The following ANKS6 variants were observed in gnomAD, a reference collection of about 807,000 sequenced individuals.
The protein encoded by ANKS6 is ankyrin repeat and SAM domain-containing protein 6.
In ANKS6, 47 loss-of-function variants were observed where a neutral mutation model predicts 77.9. That is an observed-to-expected ratio of 0.60 (90% CI 0.48 to 0.77). The LOEUF is 0.77. ANKS6 is among the 30% of genes least tolerant of loss of function. The pLI, the probability that ANKS6 is intolerant of heterozygous loss-of-function variation, is 0.00. For synonymous variants in ANKS6, 488 were observed against 501.7 expected (o/e 0.97, Z 0.37); for missense variants, 1,150 against 1,159.1 (o/e 0.99, Z 0.11).
In ANKS6 at chr9:98,746,892, G is replaced by A. The variant is rs1029539683; in HGVS notation, c.2395-1217C>T. 3.3e-5 allele frequency among the ~76,000 whole-genome samples: 5 copies of A among 152,222 alleles called. No individual in the cohort carries two copies. The East Asian group carries it at 7.7e-4, about 23-fold the overall frequency. Reference sequence around the variant, plus strand: ...GACTCCAACAACAGCGCTTATCTGGGAGATGGGACAAAGAACTGGCTGCCC... The same window carrying A: ...GACTCCAACAACAGCGCTTATCTGGAAGATGGGACAAAGAACTGGCTGCCC... On this transcript the variant is annotated intron_variant, in intron 13 of 14. Coordinates refer to ENST00000353234, the MANE Select transcript of ANKS6 (RefSeq NM_173551.5).
At position 98,733,907 on chromosome 9, in the gene ANKS6, G is replaced by A. The variant is rs912491483; in HGVS notation, c.*2612C>T. The A allele has an allele frequency of 4.1e-6, 4 of 985,330 alleles. No individual in the cohort carries two copies. In the African/African-American group the frequency reaches 7.0e-5, roughly 17 times the overall value. 61.0% of individuals were successfully genotyped at this position (985,330 alleles called of 1,614,324 possible). A position where few individuals can be genotyped will look rare whatever the true frequency, so the allele number is the denominator to read the frequency against. On this transcript the variant is annotated 3_prime_UTR_variant, in exon 15 of 15. Coordinates refer to ENST00000353234, the MANE Select transcript of ANKS6 (RefSeq NM_173551.5). ...CATACTTTTGGGAAATGCTGGTGAAGGTTGCCAAGCAAGGGAGGTGCTTCT... is the reference window on the plus strand; with the variant it reads ...CATACTTTTGGGAAATGCTGGTGAAAGTTGCCAAGCAAGGGAGGTGCTTCT...
At position 98,780,316 on chromosome 9, in the gene ANKS6, A is replaced by T. The variant is rs1396345121; in HGVS notation, c.1241T>A (p.Leu414Gln). The T allele has an allele frequency of 1.2e-6, 2 of 1,602,728 alleles. No homozygotes were observed. Among genetic ancestry groups the T allele is most frequent in the African/African-American group, 2.7e-5 (2 of 74,976 alleles). ...NDPDTELVRL[L>Q]ASVCMQVNKD... The stretch of plus-strand genomic sequence containing the variant: ...ATTCACCTGCATGCAGACAGATGCC[A>T]GCAGTCGAACAAGTTCCGTGTCTAT... The change falls in exon 6 of 15, where the codon CTG becomes CAG. Residue 414 changes from leucine to glutamine, a missense_variant. By Grantham distance (113) the Leu-to-Gln change is moderately radical. Coordinates refer to ENST00000353234, the MANE Select transcript of ANKS6 (RefSeq NM_173551.5).
In ANKS6 at chr9:98,745,604, G is replaced by C. The variant is rs1260940392; in HGVS notation, c.2466C>G (p.Ser822=). The C allele has an allele frequency of 6.2e-7, 1 of 1,614,134 alleles. No individual in the cohort carries two copies. The highest frequency in any genetic ancestry group is 1.7e-5 in the Admixed American group (1 of 60,020). ...AAATCGCTGCCAGAATCTGCTGCCT[G>C]GACCCATCTGTCTTAATTCCCAGCT... The part of the protein sequence containing the change: ...LKELGIKTDG[S]RQQILAAISE... The change falls in exon 14 of 15, where the codon TCC becomes TCG. Residue 822 remains serine (S), a synonymous_variant. Transcript: ENST00000353234.
At chr9:98,751,153 C>A in intron 12 of ANKS6, 57 bp from the exon 13 acceptor site, 2 of 1,342,142 alleles carry the variant, frequency 1.5e-6, no homozygotes, top group African/African-American at 1.5e-5. Flanking sequence ...GTAAAGTGGT[C>A]TTCAAACCTT....
At chr9:98,746,582 CTTT>C (rs71496901) in intron 13 of ANKS6, among the ~76,000 whole-genome samples, 12 of 133,288 alleles carry the variant, frequency 9.0e-5, no homozygotes, top group African/African-American at 1.1e-4. Context: ...GCACAGAGAG[CTTT>C]TTTTTTTTTT....
At chr9:98,756,076 G>A (rs1403910552) in intron 12 of ANKS6, among the ~76,000 whole-genome samples, 2 of 152,142 alleles carry the variant, frequency 1.3e-5, no homozygotes, top group African/African-American at 2.4e-5. Flanking sequence ...TTGAACCAGT[G>A]TGAGTGGAGT....
rs774690707 is a variant in ANKS6, at chr9:98,790,527, C to T, written c.439G>A (p.Val147Met). The change falls in exon 2 of 15, where the codon GTG (valine) becomes ATG (methionine). Residue 147 changes from valine (V) to methionine (M), a missense_variant. Val to Met is a conservative substitution (Grantham distance 21, BLOSUM62 1). Transcript: ENST00000353234. ...CCGCCCCGAGAAGCCACAGTGAGCA[C>T]ACTGGCCCCCAGCCGGTTCTGGGCA... is the stretch of plus-strand genomic sequence containing the variant. ...VNAQNRLGAS[V>M]LTVASRGGHL... The T allele has an allele frequency of 6.2e-7, 1 of 1,613,546 alleles. No homozygotes were observed. The highest frequency in any genetic ancestry group is 8.5e-7 in the Non-Finnish European group (1 of 1,179,882).
At position 98,783,980 on chromosome 9, in the gene ANKS6, G is replaced by A. The variant is rs1834418955; in HGVS notation, c.1085C>T (p.Thr362Met). ...VDKQDSVHGW[T>M]ALMQATYHGN... ...ATGGTAGGTTGCCTGCATGAGGGCC[G>A]TCCAGCCATGCACGCTGTCCTGCTT... The change falls in exon 4 of 15, where the codon ACG becomes ATG. Residue 362 changes from threonine to methionine, a missense_variant. Physicochemically the swap from Thr to Met is moderately conservative, Grantham distance 81 (BLOSUM62 -1). Coordinates refer to ENST00000353234, the MANE Select transcript of ANKS6 (RefSeq NM_173551.5). 3.1e-6 allele frequency: 5 copies of A among 1,602,936 alleles called. No individual in the cohort carries two copies. The highest frequency in any genetic ancestry group is 1.1e-5 in the South Asian group (1 of 89,536).
At chr9:98,744,215 C>A (rs1831994743) in intron 14 of ANKS6, among the ~76,000 whole-genome samples, 1 of 152,200 alleles carries the variant, frequency 6.6e-6, no homozygotes, top group Non-Finnish European at 1.5e-5. Flanking sequence ...ATGCCCAAGG[C>A]AATGCTAAGG....
chr9:98,745,027 G>A (rs905869326), intron 14 of ANKS6, among the ~76,000 whole-genome samples: 8 of 152,270 alleles, frequency 5.3e-5, no homozygotes, highest in African/African-American at 1.2e-4. Flanking sequence ...TTGGGTGGGC[G>A]CGGGGTGAGG....
intron 13 of ANKS6, 69 bp downstream of exon 13, chr9:98,750,960 C>A (rs1323140880): frequency 7.7e-7 from 1 of 1,304,930 alleles, no homozygotes; most frequent in African/African-American, 1.5e-5. Context: ...AAAATGAAAA[C>A]CTACACATTT....
intron 14 of ANKS6, among the ~76,000 whole-genome samples, chr9:98,742,262 G>C (rs1399384095): frequency 1.3e-5 from 2 of 152,190 alleles, no homozygotes; most frequent in Non-Finnish European, 2.9e-5. Flanking sequence ...CAAAATTAAA[G>C]AGGCAGGAAC....
intron 4 of ANKS6, 110 bp from the exon 5 acceptor site, chr9:98,782,683 G>A (rs1476979154): frequency 1.2e-6 from 1 of 813,280 alleles, no homozygotes; most frequent in Non-Finnish European, 2.0e-6. Context: ...ATTTAAGAAG[G>A]ACATGGAAGG....
intron 12 of ANKS6, among the ~76,000 whole-genome samples, chr9:98,752,638 A>G (rs10987601): frequency 1.3e-5 from 2 of 152,168 alleles, no homozygotes; most frequent in African/African-American, 4.8e-5. Context: ...AATGAGGTAG[A>G]TCCTATTACT....
intron 1 of ANKS6, among the ~76,000 whole-genome samples, chr9:98,794,141 T>C (rs1236698149): frequency 1.2e-5 from 1 of 82,990 alleles, no homozygotes; most frequent in Non-Finnish European, 2.2e-5. Context: ...AGAGCGAGAC[T>C]CCGTCTCAAA....
rs1205808974 is a variant in ANKS6 at position 98,789,880 on chromosome 9, G to A, written c.862+224C>T. 19 of 554,698 alleles carry A rather than the reference G, an allele frequency of 3.4e-5. 1 individual carries two copies. The Middle Eastern group carries it at 3.0e-3, about 88-fold the overall frequency. The allele number at this position is 554,698 out of a possible 1,614,324, so 34.4% of individuals were successfully genotyped here. A position where few individuals can be genotyped will look rare whatever the true frequency, so the allele number is the denominator to read the frequency against. On this transcript the variant is annotated intron_variant, in intron 2 of 14. Transcript: ENST00000353234. ...GCAGCCTTGTTATAGAGGCTTCCAG[G>A]CTCTTGCCCAGGGCTACCAAATCAC...
chr9:98,737,732 A>G (rs1831580395), intron 14 of ANKS6, among the ~76,000 whole-genome samples: 1 of 152,208 alleles, frequency 6.6e-6, no homozygotes, highest in South Asian at 2.1e-4. Flanking sequence ...AGAAAAAACA[A>G]TTCTAAAATT....
At position 98,790,275 on chromosome 9, in the gene ANKS6, G is replaced by A; in HGVS notation, c.691C>T (p.Leu231=). The change falls in exon 2 of 15, where the codon CTG becomes TTG. Residue 231 remains leucine, a synonymous_variant. Coordinates refer to ENST00000353234, the MANE Select transcript of ANKS6 (RefSeq NM_173551.5). ...CCAAGCCGCCCAGTGAGTGCGGCCAGCATCAGCGGGCTCCAGCCCACGGTC... is the reference window on the plus strand; with the variant it reads ...CCAAGCCGCCCAGTGAGTGCGGCCAACATCAGCGGGCTCCAGCCCACGGTC... ...ARTVGWSPLM[L]AALTGRLGVA... is the part of the protein sequence containing the mutation. 6.2e-7 allele frequency: 1 copy of A among 1,603,864 alleles called. No homozygotes were observed. Among genetic ancestry groups the A allele is most frequent in the Non-Finnish European group, 8.5e-7 (1 of 1,173,286 alleles).
In ANKS6 at chr9:98,791,646, G is replaced by A. The variant is rs558655459; in HGVS notation, c.360-1040C>T. On this transcript the variant is annotated intron_variant, in intron 1 of 14. Transcript: ENST00000353234. The surrounding 1 kb of genome is among the most constrained non-coding windows in gnomAD (Gnocchi z 4.3). Reference sequence around the variant, plus strand: ...CAGGGGCTGTCTACTCCAGGTTTTCGAGACCACAAAGCCACTGTCATGTCT... The same window carrying A: ...CAGGGGCTGTCTACTCCAGGTTTTCAAGACCACAAAGCCACTGTCATGTCT... Among the ~76,000 whole-genome samples the A allele has an allele frequency of 6.6e-6, 1 of 152,216 alleles. No homozygotes were observed. The highest frequency in any genetic ancestry group is 2.1e-4 in the South Asian group (1 of 4,820).
Sources: gnomAD v4.1 joint callset for allele counts (sites outside exome capture counted in the v4.1 genomes callset) on GRCh38, gnomAD v4.1.1 for gene constraint, Gnocchi (gnomAD v3.1) non-coding constraint, MANE v1.5 for transcripts, NCBI Gene and HGNC (gene_info 2026-07-23, HGNC 2026-07-21) for gene names.